The following CFTR variants were observed in gnomAD, a reference collection of about 807,000 sequenced individuals.
The protein encoded by CFTR is cystic fibrosis transmembrane conductance regulator.
Under a neutral mutation model 171.6 loss-of-function variants are expected in CFTR, and 181 were observed. That is an observed-to-expected ratio of 1.05 (90% confidence interval 0.93 to 1.19). The LOEUF (loss-of-function observed/expected upper bound fraction) is 1.19, where lower values mean the gene tolerates loss of function less well. Among genes scored for constraint, CFTR ranks in the 50% most tolerant of loss-of-function variants. The probability of loss-of-function intolerance (pLI) is 0.00; values close to 1 mark genes in which losing one functional copy is unlikely to be tolerated. For synonymous variants in CFTR, 583 were observed against 608.0 expected, an observed-to-expected ratio of 0.96 and a Z score of 0.60; for missense variants, 1,968 against 1,734.7, an observed-to-expected ratio of 1.13 and a Z score of -2.39.
At chr7:117,514,086 C>A (rs1488108201) in intron 3 of CFTR, among the ~76,000 whole-genome samples, 1 of 152,158 alleles carries the variant, frequency 6.6e-6, no homozygotes, top group Non-Finnish European at 1.5e-5. Context: ...CAGGCATCAG[C>A]ATGATCACTT....
intron 1 of CFTR, among the ~76,000 whole-genome samples, chr7:117,498,631 A>G (rs1158177528): frequency 6.6e-6 from 1 of 152,180 alleles, no homozygotes; most frequent in Non-Finnish European, 1.5e-5. Flanking sequence ...AATGTTATTT[A>G]TGATTTTAGA....
At position 117,587,743 on chromosome 7, in the gene CFTR, T is replaced by G; in HGVS notation, c.1589T>G (p.Ile530Ser). The G allele has an allele frequency of 6.3e-7, 1 of 1,598,990 alleles. No homozygotes were observed. The highest frequency in any genetic ancestry group is 8.6e-7 in the Non-Finnish European group (1 of 1,166,522). ...ATTTTCTATTTTTGGTAATAGGACA[T>G]CTCCAAGTTTGCAGAGAAAGACAAT... ...VIKACQLEED[I>S]SKFAEKDNIV... Residue 530 changes from isoleucine (I) to serine (S), a missense_variant, in exon 12 of 27, where the codon ATC becomes AGC. Ile to Ser is a moderately radical substitution (Grantham distance 142). Transcript: ENST00000003084.
intron 20 of CFTR, among the ~76,000 whole-genome samples, chr7:117,612,052 T>TATATATAC (rs1379044306): frequency 1.4e-5 from 1 of 70,892 alleles, no homozygotes; most frequent in Non-Finnish European, 2.8e-5. Flanking sequence ...TATATATATA[T>TATATATAC]ACATATATAT....
At chr7:117,559,104 T>C (rs1180448591) in intron 10 of CFTR, among the ~76,000 whole-genome samples, 2 of 152,178 alleles carry the variant, frequency 1.3e-5, no homozygotes, top group Non-Finnish European at 2.9e-5. Flanking sequence ...TTAATATAGT[T>C]AAAGCACATA....
chr7:117,603,511 G>T, intron 16 of CFTR, 21 bp from the exon 17 acceptor site: 2 of 1,613,500 alleles, frequency 1.2e-6, no homozygotes, highest in South Asian at 2.2e-5. Flanking sequence ...GCCAAATAAC[G>T]ATTTCCTATT....
At chr7:117,575,102 A>G (rs1791751429) in intron 11 of CFTR, among the ~76,000 whole-genome samples, 1 of 152,138 alleles carries the variant, frequency 6.6e-6, no homozygotes, top group South Asian at 2.1e-4. Flanking sequence ...TCTGACATAT[A>G]TATCTATAGG....
intron 3 of CFTR, among the ~76,000 whole-genome samples, chr7:117,511,450 A>G (rs1409065298): frequency 6.6e-6 from 1 of 152,220 alleles, no homozygotes; most frequent in African/African-American, 2.4e-5. Flanking sequence ...TTATCCATGC[A>G]TGGGGGTGAG....
At chr7:117,649,724 G>T (rs1793059898) in intron 23 of CFTR, among the ~76,000 whole-genome samples, 1 of 151,982 alleles carries the variant, frequency 6.6e-6, no homozygotes, top group Non-Finnish European at 1.5e-5. Context: ...GTATGCAGCA[G>T]TTATGGCCTA....
At chr7:117,613,999 CT>C (rs752774658) in intron 20 of CFTR, among the ~76,000 whole-genome samples, 6,008 of 72,454 alleles carry the variant, frequency 0.083, 21 homozygotes, top group Non-Finnish European at 0.1. Context: ...GTACAGTAAT[CT>C]TTTTTTTTTT....
At chr7:117,499,695 C>A (rs758574912) in intron 1 of CFTR, among the ~76,000 whole-genome samples, 1 of 151,530 alleles carries the variant, frequency 6.6e-6, no homozygotes, top group African/African-American at 2.4e-5. Flanking sequence ...GTGGCTCATG[C>A]CTGTAATTCC....
At chr7:117,629,649 G>T (rs766526741) in intron 22 of CFTR, among the ~76,000 whole-genome samples, 6 of 152,124 alleles carry the variant, frequency 3.9e-5, no homozygotes, top group Non-Finnish European at 7.4e-5. Flanking sequence ...TTCTTAGAAG[G>T]CCGGATAACA....
intron 3 of CFTR, among the ~76,000 whole-genome samples, chr7:117,513,437 GA>G (rs11393719): frequency 5.7e-4 from 77 of 135,516 alleles, no homozygotes; most frequent in Admixed American, 7.4e-4. Flanking sequence ...TCCTAGATTT[GA>G]AAAAAAAAAA....
chr7:117,542,188 G>C (rs948980243), intron 9 of CFTR, 80 bp downstream of exon 9: 1 of 753,912 alleles, frequency 1.3e-6, no homozygotes, highest in African/African-American at 1.7e-5. Context: ...TCCTAATGGC[G>C]AATAAAATTA....
In CFTR at chr7:117,667,695, T is replaced by G; in HGVS notation, c.*587T>G. 5.8e-6 allele frequency: 1 copy of G among 171,868 alleles called. No homozygotes were observed. Among genetic ancestry groups the G allele is most frequent in the East Asian group, 1.5e-4 (1 of 6,466 alleles). The allele number at this position is 171,868 out of a possible 1,614,324, so 10.6% of individuals were successfully genotyped here. A position where few individuals can be genotyped will look rare whatever the true frequency, so the allele number is the denominator to read the frequency against. On this transcript the variant is annotated 3_prime_UTR_variant, in exon 27 of 27. Transcript: ENST00000003084. ...GGAACCACAAGACTGCACATCAAAA[T>G]ATGCCCCATTCAACATCTAGTGAGC...
intron 22 of CFTR, among the ~76,000 whole-genome samples, chr7:117,639,174 AAG>A (rs1270458656): frequency 3.9e-5 from 6 of 152,220 alleles, no homozygotes; most frequent in Non-Finnish European, 7.3e-5. Flanking sequence ...CTTTATGAAA[AAG>A]ATGTGGTATT....
rs35141610 is a variant in CFTR, at chr7:117,532,824, A to T, written c.490-1452A>T. 5.4e-3 allele frequency among the ~76,000 whole-genome samples: 822 copies of T among 152,224 alleles called. 7 individuals carry two copies. Among genetic ancestry groups the T allele is most frequent in the African/African-American group, 0.018 (767 of 41,546 alleles). On this transcript the variant is annotated intron_variant, in intron 4 of 26. Coordinates refer to ENST00000003084, the MANE Select transcript of CFTR (RefSeq NM_000492.4). ...TTGGCCTACAATGGCATCATCACCAAAGAAGGCAATCCCATCTCCGTGTGG... is the reference window on the plus strand; with the variant it reads ...TTGGCCTACAATGGCATCATCACCATAGAAGGCAATCCCATCTCCGTGTGG...
At chr7:117,615,476 T>G (rs1036856538) in intron 21 of CFTR, among the ~76,000 whole-genome samples, 2 of 152,030 alleles carry the variant, frequency 1.3e-5, no homozygotes, top group African/African-American at 4.8e-5. Flanking sequence ...GCATAACATT[T>G]TCATACTATT....
chr7:117,577,619 C>T (rs536652699), intron 11 of CFTR, among the ~76,000 whole-genome samples: 22 of 152,158 alleles, frequency 1.4e-4, no homozygotes, highest in South Asian at 1.0e-3. Flanking sequence ...TATCTAATGG[C>T]CTATAAAATG....
intron 24 of CFTR, among the ~76,000 whole-genome samples, chr7:117,657,859 G>T (rs906166474): frequency 1.3e-5 from 2 of 152,144 alleles, no homozygotes; most frequent in African/African-American, 2.4e-5. Flanking sequence ...GCCAAGAAAT[G>T]CTTTATTTCT....
Sources: gnomAD v4.1 joint callset for allele counts (sites outside exome capture counted in the v4.1 genomes callset) on GRCh38, gnomAD v4.1.1 for gene constraint, MANE v1.5 for transcripts, NCBI Gene and HGNC (gene_info 2026-07-23, HGNC 2026-07-21) for gene names.